The following LRP1B variants were observed in gnomAD, a reference collection of about 807,000 sequenced individuals.
The protein encoded by LRP1B is LDL receptor related protein 1B.
LRP1B carries 217 observed loss-of-function variants against 556.6 expected under a neutral mutation model. The observed-to-expected ratio is 0.39, with a 90% CI of 0.35 to 0.44. LRP1B has a LOEUF of 0.44. LRP1B is among the 20% of genes least tolerant of loss of function. LRP1B has a pLI of 1.00. For synonymous variants in LRP1B, 2,047 were observed against 1,865.8 expected (o/e 1.10, Z -2.50); for missense variants, 5,053 against 5,620.8 (o/e 0.90, Z 3.23).
At chr2:141,159,554 C>T (rs941189871) in intron 7 of LRP1B, among the ~76,000 whole-genome samples, 2 of 151,932 alleles carry the variant, frequency 1.3e-5, no homozygotes, top group Non-Finnish European at 2.9e-5. Context: ...TGATGAGACA[C>T]ATGAGAGATC....
intron 2 of LRP1B, among the ~76,000 whole-genome samples, chr2:141,654,059 G>A (rs992527821): frequency 3.3e-5 from 5 of 152,164 alleles, no homozygotes; most frequent in Middle Eastern, 3.4e-3. Context: ...CTCATGGGCA[G>A]GAATAGAAAC....
At chr2:141,414,915 T>C (rs1320099882) in intron 3 of LRP1B, among the ~76,000 whole-genome samples, 2 of 152,222 alleles carry the variant, frequency 1.3e-5, no homozygotes, top group African/African-American at 4.8e-5. Context: ...TTGACAAATC[T>C]GATAAAATTG....
At chr2:140,495,471 A>C in intron 56 of LRP1B, 94 bp downstream of exon 56, 1 of 1,171,142 alleles carries the variant, frequency 8.5e-7, no homozygotes, top group East Asian at 2.4e-5. Context: ...TTTCAGAAGC[A>C]TCAAGGAGGA....
intron 3 of LRP1B, among the ~76,000 whole-genome samples, chr2:141,381,955 C>T (rs1340347822): frequency 6.6e-6 from 1 of 150,828 alleles, no homozygotes. Flanking sequence ...TTGGTGGAGC[C>T]CAGGATCTAG....
At chr2:142,017,123 G>C (rs1486087203) in intron 1 of LRP1B, among the ~76,000 whole-genome samples, 1 of 151,750 alleles carries the variant, frequency 6.6e-6, no homozygotes, top group Non-Finnish European at 1.5e-5. Context: ...ACTGATACTT[G>C]ATAGATATTT....
chr2:141,937,908 T>C (rs1700683937), intron 1 of LRP1B, among the ~76,000 whole-genome samples: 1 of 152,230 alleles, frequency 6.6e-6, no homozygotes. Flanking sequence ...CTTTTGCCTG[T>C]AGATAATCCA....
At chr2:140,267,340 G>A (rs1682252446) in intron 86 of LRP1B, among the ~76,000 whole-genome samples, 1 of 151,872 alleles carries the variant, frequency 6.6e-6, no homozygotes, top group African/African-American at 2.4e-5. Context: ...CAGTATCTGT[G>A]GGGAACTGGT....
intron 60 of LRP1B, among the ~76,000 whole-genome samples, chr2:140,459,407 C>T (rs180966683): frequency 3.4e-4 from 51 of 152,114 alleles, no homozygotes; most frequent in Middle Eastern, 6.8e-3. Flanking sequence ...ATGTGAATCT[C>T]GTTAGATGCA....
At chr2:140,253,572 A>T (rs1166252898) in intron 86 of LRP1B, among the ~76,000 whole-genome samples, 1 of 151,422 alleles carries the variant, frequency 6.6e-6, no homozygotes, top group African/African-American at 2.4e-5. Context: ...AGTCCACTTG[A>T]GTAGAAGTGG....
intron 63 of LRP1B, among the ~76,000 whole-genome samples, chr2:140,447,228 A>C (rs1018089938): frequency 3.9e-5 from 6 of 152,138 alleles, no homozygotes; most frequent in African/African-American, 1.2e-4. Context: ...AAATTAGTAC[A>C]GCTATTTTGG....
rs115129009 is a variant in LRP1B at position 140,727,755 on chromosome 2, T to C, written c.5759-10939A>G. ...TGCCTCAGTACAAATAGGAATGAAG[T>C]TGAACTTTCTATTCTTTTCAATTTT... On this transcript the variant is annotated intron_variant, in intron 35 of 90. Transcript: ENST00000389484. 6.6e-3 allele frequency among the ~76,000 whole-genome samples: 1,001 copies of C among 152,262 alleles called. 6 individuals are homozygous for C. Among genetic ancestry groups the C allele is most frequent in the African/African-American group, 0.023 (952 of 41,524 alleles).
intron 31 of LRP1B, among the ~76,000 whole-genome samples, chr2:140,837,114 G>A (rs1019512764): frequency 2.6e-5 from 4 of 152,030 alleles, no homozygotes; most frequent in African/African-American, 4.8e-5. Context: ...ACATACTACC[G>A]CTATTACTGA....
chr2:141,583,386 A>G (rs2105282854), intron 2 of LRP1B, among the ~76,000 whole-genome samples: 1 of 152,294 alleles, frequency 6.6e-6, no homozygotes, highest in East Asian at 1.9e-4. Flanking sequence ...ATAAGATGGT[A>G]CTTGGGAAAA....
At chr2:140,882,827 A>G (rs1693515320) in intron 25 of LRP1B, among the ~76,000 whole-genome samples, 1 of 152,130 alleles carries the variant, frequency 6.6e-6, no homozygotes, top group Admixed American at 6.6e-5. Flanking sequence ...CTCCCTGCTC[A>G]TTGGAGCTCC....
At chr2:141,244,271 T>C (rs1683990191) in intron 5 of LRP1B, among the ~76,000 whole-genome samples, 1 of 152,240 alleles carries the variant, frequency 6.6e-6, no homozygotes, top group Admixed American at 6.6e-5. Context: ...TCACTTTGGC[T>C]TGATATTTTT....
At chr2:140,898,670 T>TA (rs1201693384) in intron 23 of LRP1B, 8 of 454,160 alleles carry the variant, frequency 1.8e-5, no homozygotes, top group Admixed American at 7.4e-5. Flanking sequence ...TATGCAATCC[T>TA]AAAAAAATTC....
intron 2 of LRP1B, among the ~76,000 whole-genome samples, chr2:141,599,837 C>T (rs1161024132): frequency 2.0e-5 from 3 of 152,054 alleles, no homozygotes; most frequent in African/African-American, 7.2e-5. Flanking sequence ...TCTAATCTCC[C>T]TTTAACCCAT....
chr2:142,037,017 G>A (rs984608259), intron 1 of LRP1B, among the ~76,000 whole-genome samples: 3 of 151,624 alleles, frequency 2.0e-5, no homozygotes, highest in Admixed American at 6.6e-5. Flanking sequence ...TCACACAGAG[G>A]ACTATGTGTA....
intron 2 of LRP1B, among the ~76,000 whole-genome samples, chr2:141,630,369 C>T (rs889693895): frequency 2.6e-5 from 4 of 152,188 alleles, no homozygotes; most frequent in Non-Finnish European, 5.9e-5. Flanking sequence ...AATCAAACTC[C>T]CAGACAAAAG....
Sources: allele counts gnomAD v4.1 joint callset (sites outside exome capture counted in the v4.1 genomes callset), GRCh38; gene constraint gnomAD v4.1.1; transcripts MANE v1.5; gene names NCBI Gene and HGNC (gene_info 2026-07-23, HGNC 2026-07-21).